The following MFSD2A variants were observed in gnomAD, a reference collection of about 807,000 sequenced individuals.
The protein encoded by MFSD2A is MFSD2 lysolipid transporter A, lysophospholipid, also known as sodium-dependent lysophosphatidylcholine symporter 1.
Under a neutral mutation model 64.7 loss-of-function variants are expected in MFSD2A, and 27 were observed. That is an observed-to-expected ratio of 0.42 (90% CI 0.31 to 0.58). The LOEUF is 0.58. Ranked by LOEUF, MFSD2A falls within the 20% of genes least tolerant of loss-of-function variation. The pLI, the probability that MFSD2A is intolerant of heterozygous loss-of-function variation, is 0.18. For synonymous variants in MFSD2A, 258 were observed against 273.4 expected (o/e 0.94, Z 0.55); for missense variants, 474 against 679.5 (o/e 0.70, Z 3.36).
At position 39,965,172 on chromosome 1, in the gene MFSD2A, C is replaced by G. The variant is rs770550537; in HGVS notation, c.354-39C>G. 4 of 1,612,262 alleles carry G rather than the reference C, an allele frequency of 2.5e-6. No homozygotes were observed. The African/African-American group carries it at 5.3e-5, about 22-fold the overall frequency. On this transcript the variant is annotated intron_variant, in intron 3 of 13. Transcript: ENST00000372811. The surrounding 1 kb of genome is among the most constrained non-coding windows in gnomAD (Gnocchi z 5.5). Reference sequence around the variant, plus strand: ...ACTGGGCTGGGCCTGGTCCTGGGCTCCAGCCTCCAGCCTCCACTCACACCC... The same window carrying G: ...ACTGGGCTGGGCCTGGTCCTGGGCTGCAGCCTCCAGCCTCCACTCACACCC...
rs1445661245 is a variant in MFSD2A at position 39,955,743 on chromosome 1, TC to T, written c.93+362del. The T allele has an allele frequency of 2.0e-6, 1 of 499,356 alleles. No homozygotes were observed. Among genetic ancestry groups the T allele is most frequent in the South Asian group, 1.6e-5 (1 of 62,750 alleles). The allele number at this position is 499,356 out of a possible 1,614,324, so 30.9% of individuals were successfully genotyped here. On this transcript the variant is annotated intron_variant, in intron 1 of 13. Coordinates refer to ENST00000372811, the MANE Select transcript of MFSD2A (RefSeq NM_032793.5). This position sits in a 1 kb window ranked among gnomAD's most constrained non-coding sequence, Gnocchi z 5.9. ...AGAAATCTGGGAAACTCCCCTTGGT[TC>T]CCCATCTCTCATCCCCTACCTCCCA...
chr1:39,969,507 ACGAGGCCAGCAG>A lies in MFSD2A; in HGVS notation c.1534_1545del (p.Glu512_Ser515del). 6.3e-7 allele frequency: 1 copy of A among 1,598,584 alleles called. No individual in the cohort carries two copies. The highest frequency in any genetic ancestry group is 1.4e-5 in the African/African-American group (1 of 73,728). ...CCCATCTCCTCTCTCTCTTGCAGGG[ACGAGGCCAGCAG>A]CTCTGGCTGCTCAGAAACAGACTCC... is the stretch of plus-strand genomic sequence containing the variant. On this transcript the variant is annotated inframe_deletion, in exon 14 of 14. Transcript: ENST00000372811.
Position 39,957,031 on chromosome 1 carries a change from C to A in MFSD2A, c.94-56C>A, listed in dbSNP as rs779040822. ...CAGAGGGATGGTCCTTCCTGTGGAA[C>A]CTTCTTGGATGGAGGCCAGAACCTT... On this transcript the variant is annotated intron_variant, in intron 1 of 13. Transcript: ENST00000372811. The A allele has an allele frequency of 9.4e-5, 150 of 1,589,942 alleles. 1 individual carries two copies. Among genetic ancestry groups the A allele is most frequent in the Admixed American group, 5.9e-4 (35 of 58,950 alleles).
Position 39,958,593 on chromosome 1 carries a change from C to G in MFSD2A, c.229-108C>G. 1 of 1,583,614 alleles carries G rather than the reference C, an allele frequency of 6.3e-7. No individual in the cohort carries two copies. The highest frequency in any genetic ancestry group is 1.1e-5 in the South Asian group (1 of 89,932). Reference sequence around the variant, plus strand: ...GGTCCATGTGGGAGCAGCTCAGGGTCACAAGATCCTGGCTGAGATAGGGAG... The same window carrying G: ...GGTCCATGTGGGAGCAGCTCAGGGTGACAAGATCCTGGCTGAGATAGGGAG... On this transcript the variant is annotated intron_variant, in intron 2 of 13. Coordinates refer to ENST00000372811, the MANE Select transcript of MFSD2A (RefSeq NM_032793.5). This position sits in a 1 kb window ranked among gnomAD's most constrained non-coding sequence, Gnocchi z 4.7.
rs1401221556 is a variant in MFSD2A, at chr1:39,960,524, G to A, written c.353+1699G>A. Among the ~76,000 whole-genome samples, 1 of 152,236 alleles carries A rather than the reference G, an allele frequency of 6.6e-6. No homozygotes were observed. The highest frequency in any genetic ancestry group is 1.5e-5 in the Non-Finnish European group (1 of 68,042). On this transcript the variant is annotated intron_variant, in intron 3 of 13. Coordinates refer to ENST00000372811, the MANE Select transcript of MFSD2A (RefSeq NM_032793.5). The surrounding 1 kb of genome is among the most constrained non-coding windows in gnomAD (Gnocchi z 4.8). The stretch of plus-strand genomic sequence containing the variant: ...GCGCCAGCCCGTGAGACTTGGCCCT[G>A]TGCCCGCCTCCCTGGCAGCCAGTAG...
chr1:39,969,897 T>C lies in MFSD2A; in HGVS notation c.*329T>C. The C allele has an allele frequency of 2.8e-6, 1 of 353,200 alleles. No individual in the cohort carries two copies. The highest frequency in any genetic ancestry group is 5.1e-6 in the Non-Finnish European group (1 of 194,450). 21.9% of individuals were successfully genotyped at this position (353,200 alleles called of 1,614,324 possible). On this transcript the variant is annotated 3_prime_UTR_variant, in exon 14 of 14. Transcript: ENST00000372811. ...TAATGACTGTGTACATAGCAATGTGTGTGTATGTATATGTCTGTGAGCTAT... is the reference window on the plus strand; with the variant it reads ...TAATGACTGTGTACATAGCAATGTGCGTGTATGTATATGTCTGTGAGCTAT...
intron 1 of MFSD2A, among the ~76,000 whole-genome samples, chr1:39,956,309 G>A (rs1307212006): frequency 6.6e-6 from 1 of 152,204 alleles, no homozygotes; most frequent in Non-Finnish European, 1.5e-5. Flanking sequence ...GGGATGCTCT[G>A]GGATAGGTGG....
Position 39,965,037 on chromosome 1 carries a change from G to A in MFSD2A, c.354-174G>A. On this transcript the variant is annotated intron_variant, in intron 3 of 13. Coordinates refer to ENST00000372811, the MANE Select transcript of MFSD2A (RefSeq NM_032793.5). This position sits in a 1 kb window ranked among gnomAD's most constrained non-coding sequence, Gnocchi z 5.5. ...AGTTCCCATCTGCCATTCCGGGCTT[G>A]GTCATCAGCCTCTTCCCAGAGGCCC... is the stretch of plus-strand genomic sequence containing the variant. 1 of 805,450 alleles carries A rather than the reference G, an allele frequency of 1.2e-6. No homozygotes were observed. The highest frequency in any genetic ancestry group is 1.9e-6 in the Non-Finnish European group (1 of 523,326). 49.9% of individuals were successfully genotyped at this position (805,450 alleles called of 1,614,324 possible).
Position 39,955,551 on chromosome 1 carries a change from G to T in MFSD2A, c.93+166G>T, listed in dbSNP as rs1262361837. On this transcript the variant is annotated intron_variant, in intron 1 of 13. Coordinates refer to ENST00000372811, the MANE Select transcript of MFSD2A (RefSeq NM_032793.5). The surrounding 1 kb of genome is among the most constrained non-coding windows in gnomAD (Gnocchi z 5.9). ...GGGGTGCCCTGGGACAGGGGGTGAC[G>T]GAGAAAAGCTGTGGGCGCCCTCGCC... 2 of 785,650 alleles carry T rather than the reference G, an allele frequency of 2.5e-6. No homozygotes were observed. The highest frequency in any genetic ancestry group is 4.3e-6 in the Non-Finnish European group (2 of 465,472). 48.7% of individuals were successfully genotyped at this position (785,650 alleles called of 1,614,324 possible). A position where few individuals can be genotyped will look rare whatever the true frequency, so the allele number is the denominator to read the frequency against.
chr1:39,967,723 T>C lies in MFSD2A; in HGVS notation c.1095+12T>C. Reference sequence around the variant, plus strand: ...ATGTTGGGATCTCAGTGAGTGGGGTTGAAGAGCAGAGCCTGGGTTGAGTTG... The same window carrying C: ...ATGTTGGGATCTCAGTGAGTGGGGTCGAAGAGCAGAGCCTGGGTTGAGTTG... On this transcript the variant is annotated intron_variant, in intron 10 of 13. Transcript: ENST00000372811. 1 of 1,613,800 alleles carries C rather than the reference T, an allele frequency of 6.2e-7. No homozygotes were observed. The highest frequency in any genetic ancestry group is 1.1e-5 in the South Asian group (1 of 91,064).
At chr1:39,956,005 A>G (rs1644920732) in intron 1 of MFSD2A, among the ~76,000 whole-genome samples, 1 of 152,166 alleles carries the variant, frequency 6.6e-6, no homozygotes, top group Non-Finnish European at 1.5e-5. Flanking sequence ...ATCTCAGGCA[A>G]TAGATACCTT....
At position 39,966,852 on chromosome 1, in the gene MFSD2A, C is replaced by T. The variant is rs376679367; in HGVS notation, c.847C>T (p.Arg283Trp). 22 of 1,613,932 alleles carry T rather than the reference C, an allele frequency of 1.4e-5. No homozygotes were observed. Among genetic ancestry groups the T allele is most frequent in the African/African-American group, 1.3e-4 (10 of 74,924 alleles). Residue 283 changes from arginine to tryptophan, a missense_variant, in exon 8 of 14, where the codon CGG becomes TGG. Physicochemically the swap from Arg to Trp is moderately radical, Grantham distance 101. Coordinates refer to ENST00000372811, the MANE Select transcript of MFSD2A (RefSeq NM_032793.5). ...GCAGTCTGAGCCAATCGCCTACTTCCGGGGCCTACGGCTGGTCATGAGCCA... is the reference window on the plus strand; with the variant it reads ...GCAGTCTGAGCCAATCGCCTACTTCTGGGGCCTACGGCTGGTCATGAGCCA... ...AQQSEPIAYF[R>W]GLRLVMSHGP...
At position 39,965,702 on chromosome 1, in the gene MFSD2A, G is replaced by A. The variant is rs569501058; in HGVS notation, c.556+153G>A. Reference sequence around the variant, plus strand: ...CCCCTTATTGCTCAGATGAGACCTGGAGAGGTGCATATGCGTTCAAACCAA... The same window carrying A: ...CCCCTTATTGCTCAGATGAGACCTGAAGAGGTGCATATGCGTTCAAACCAA... On this transcript the variant is annotated intron_variant, in intron 5 of 13. Coordinates refer to ENST00000372811, the MANE Select transcript of MFSD2A (RefSeq NM_032793.5). The surrounding 1 kb of genome is among the most constrained non-coding windows in gnomAD (Gnocchi z 5.5). Among the ~76,000 whole-genome samples, 3 of 152,076 alleles carry A rather than the reference G, an allele frequency of 2.0e-5. No homozygotes were observed. The highest frequency in any genetic ancestry group is 1.3e-4 in the Admixed American group (2 of 15,258).
rs1190479763 is a variant in MFSD2A at position 39,966,827 on chromosome 1, G to A, written c.822G>A (p.Gln274=). ...GGCCCCCAGAACCCTATGAAGCCCAGCAGTCTGAGCCAATCGCCTACTTCC... is the reference window on the plus strand; with the variant it reads ...GGCCCCCAGAACCCTATGAAGCCCAACAGTCTGAGCCAATCGCCTACTTCC... ...VREQREPYEA[Q]QSEPIAYFRG... The change falls in exon 8 of 14, where the codon CAG becomes CAA. Residue 274 remains glutamine (Q), a synonymous_variant. Coordinates refer to ENST00000372811, the MANE Select transcript of MFSD2A (RefSeq NM_032793.5). 6.2e-7 allele frequency: 1 copy of A among 1,614,096 alleles called. No individual in the cohort carries two copies. Among genetic ancestry groups the A allele is most frequent in the South Asian group, 1.1e-5 (1 of 91,078 alleles).
At chr1:39,967,033 C>T in intron 8 of MFSD2A, 53 bp from the exon 9 acceptor site, 1 of 1,610,654 alleles carries the variant, frequency 6.2e-7, no homozygotes, top group Non-Finnish European at 8.5e-7. Context: ...GAGGCTCAGC[C>T]CCAACATCAC....
Position 39,965,437 on chromosome 1 carries a change from G to A in MFSD2A, c.478-34G>A, listed in dbSNP as rs201809296. The A allele has an allele frequency of 3.1e-6, 5 of 1,613,576 alleles. No homozygotes were observed. The highest frequency in any genetic ancestry group is 3.4e-6 in the Non-Finnish European group (4 of 1,179,714). ...GGAAGCTACATCAGTGTGTCCACCC[G>A]CCTGACCAGCCAATGACCTGTCTTC... On this transcript the variant is annotated intron_variant, in intron 4 of 13. Coordinates refer to ENST00000372811, the MANE Select transcript of MFSD2A (RefSeq NM_032793.5). The surrounding 1 kb of genome is among the most constrained non-coding windows in gnomAD (Gnocchi z 5.5).
rs1284392752 is a variant in MFSD2A at position 39,965,600 on chromosome 1, T to C, written c.556+51T>C. On this transcript the variant is annotated intron_variant, in intron 5 of 13. Transcript: ENST00000372811. The surrounding 1 kb of genome is among the most constrained non-coding windows in gnomAD (Gnocchi z 5.5). ...CCACCCTCCAGGGACCCTCCAGCCA[T>C]ACTTCTTCCCTTGCGGGTCCAGCTC... 4 of 1,572,152 alleles carry C rather than the reference T, an allele frequency of 2.5e-6. No homozygotes were observed. In the South Asian group the frequency reaches 3.3e-5, roughly 13 times the overall value.
In MFSD2A at chr1:39,968,314, G is replaced by A; in HGVS notation, c.1209-20G>A. On this transcript the variant is annotated intron_variant, in intron 11 of 13. Coordinates refer to ENST00000372811, the MANE Select transcript of MFSD2A (RefSeq NM_032793.5). The surrounding 1 kb of genome is among the most constrained non-coding windows in gnomAD (Gnocchi z 4.4). The stretch of plus-strand genomic sequence containing the variant: ...CCCGTTAGGTGGGTCAGTCCTCATG[G>A]CTGTCACTACTCTGCGCAGGTCCAT... The A allele has an allele frequency of 6.2e-7, 1 of 1,614,014 alleles. No homozygotes were observed.
At chr1:39,962,641 G>A in intron 3 of MFSD2A, 2 of 846,892 alleles carry the variant, frequency 2.4e-6, no homozygotes, top group Admixed American at 2.0e-5. Flanking sequence ...TTCGGCAGTG[G>A]CATCCGGGGC....
Sources: gnomAD v4.1 joint callset for allele counts (sites outside exome capture counted in the v4.1 genomes callset) on GRCh38, gnomAD v4.1.1 for gene constraint, Gnocchi (gnomAD v3.1) non-coding constraint, MANE v1.5 for transcripts, NCBI Gene and HGNC (gene_info 2026-07-23, HGNC 2026-07-21) for gene names.